CDYL: variants seen among roughly 807,000 people sequenced by gnomAD.
CDYL encodes the protein chromodomain Y-like protein.
CDYL carries 8 observed loss-of-function variants against 47.3 expected under a neutral mutation model. The observed-to-expected ratio is 0.17, with a 90% CI of 0.10 to 0.31. The LOEUF (loss-of-function observed/expected upper bound fraction) is 0.31, where lower values mean the gene tolerates loss of function less well. Among genes scored for constraint, CDYL ranks in the 10% least tolerant of loss-of-function variants. The pLI, the probability that CDYL is intolerant of heterozygous loss-of-function variation, is 1.00. For synonymous variants in CDYL, 266 were observed against 265.0 expected (o/e 1.00, Z -0.04); for missense variants, 471 against 701.4 (o/e 0.67, Z 3.71).
chr6:4,764,882 A>G (rs964683442), intron 3 of CDYL, among the ~76,000 whole-genome samples: 41 of 152,168 alleles, frequency 2.7e-4, no homozygotes, highest in African/African-American at 9.7e-4. Flanking sequence ...ATAGAGAGAA[A>G]ACACTGCATA....
At chr6:4,708,992 G>C (rs1226859590) in intron 1 of CDYL, among the ~76,000 whole-genome samples, 1 of 152,048 alleles carries the variant, frequency 6.6e-6, no homozygotes, top group Non-Finnish European at 1.5e-5. Context: ...GGGTGACAGA[G>C]TGGGACCCTG....
intron 2 of CDYL, 101 bp from the exon 3 acceptor site, chr6:4,935,414 C>T: frequency 9.8e-7 from 1 of 1,023,168 alleles, no homozygotes; most frequent in Non-Finnish European, 1.5e-6. Context: ...TCGTTTAATC[C>T]TAAGTGTGTA....
intron 1 of CDYL, among the ~76,000 whole-genome samples, chr6:4,780,924 G>A (rs796082143): frequency 5.3e-5 from 8 of 152,290 alleles, no homozygotes; most frequent in African/African-American, 1.9e-4. Context: ...AATAAGGAAC[G>A]TATGCTGTAG....
At chr6:4,922,245 C>G (rs573868287) in intron 2 of CDYL, among the ~76,000 whole-genome samples, 2 of 152,112 alleles carry the variant, frequency 1.3e-5, no homozygotes, top group Non-Finnish European at 2.9e-5. Context: ...GTTGCCGACC[C>G]GTTGCCTCAG....
intron 2 of CDYL, among the ~76,000 whole-genome samples, chr6:4,725,371 G>A (rs902899737): frequency 2.0e-5 from 3 of 152,238 alleles, no homozygotes; most frequent in Non-Finnish European, 2.9e-5. Flanking sequence ...TGGGCGCCGT[G>A]GAGCAGGGGG....
intron 2 of CDYL, among the ~76,000 whole-genome samples, chr6:4,725,167 G>T (rs986108066): frequency 1.3e-5 from 2 of 152,210 alleles, no homozygotes; most frequent in Non-Finnish European, 2.9e-5. Flanking sequence ...TACAAACCTT[G>T]AGCTAGATAC....
chr6:4,765,794 C>T (rs191733159), intron 3 of CDYL, among the ~76,000 whole-genome samples: 161 of 152,198 alleles, frequency 1.1e-3, no homozygotes, highest in Non-Finnish European at 2.0e-3. Context: ...GAACTCCTGA[C>T]CTCGGGTGAT....
At chr6:4,784,211 C>T (rs1051896438) in intron 1 of CDYL, among the ~76,000 whole-genome samples, 59 of 152,080 alleles carry the variant, frequency 3.9e-4, no homozygotes, top group Admixed American at 3.7e-3. Flanking sequence ...ATCTGCAATT[C>T]GTTTTTTAAG....
chr6:4,779,163 G>A (rs564810679), intron 1 of CDYL, among the ~76,000 whole-genome samples: 4 of 152,278 alleles, frequency 2.6e-5, no homozygotes, highest in Admixed American at 1.3e-4. Context: ...GAAGTGATAC[G>A]CAATTGTAAA....
chr6:4,741,448 C>CCAGA (rs1378443058), intron 3 of CDYL, among the ~76,000 whole-genome samples: 1 of 152,126 alleles, frequency 6.6e-6, no homozygotes, highest in Non-Finnish European at 1.5e-5. Context: ...GATAAGCAGT[C>CCAGA]CAGAGCTGCT....
chr6:4,789,435 C>T (rs115168537), intron 1 of CDYL, among the ~76,000 whole-genome samples: 165 of 152,214 alleles, frequency 1.1e-3, no homozygotes, highest in African/African-American at 3.7e-3. Context: ...GTGGGCCCTC[C>T]GCACCACATC....
intron 2 of CDYL, among the ~76,000 whole-genome samples, chr6:4,718,987 A>G (rs1248852000): frequency 6.6e-6 from 1 of 151,638 alleles, no homozygotes; most frequent in Admixed American, 6.6e-5. Context: ...GCAATGTAAC[A>G]ATCTCGGCTC....
At chr6:4,892,811 G>T (rs1274138928) in intron 2 of CDYL, among the ~76,000 whole-genome samples, 1 of 152,224 alleles carries the variant, frequency 6.6e-6, no homozygotes, top group Non-Finnish European at 1.5e-5. Flanking sequence ...ACCCAGGAAT[G>T]CCTTTCAGTG....
In CDYL at chr6:4,743,026, T is replaced by G. The variant is rs192299338; in HGVS notation, c.186+8182T>G. On this transcript the variant is annotated intron_variant, in intron 3 of 8. Coordinates refer to the CDYL transcript ENST00000328908. Reference sequence around the variant, plus strand: ...AGTGTGGGTTACTACAGCCTAACACTGCGTCCAGAAACACTTCTCACGCCC... The same window carrying G: ...AGTGTGGGTTACTACAGCCTAACACGGCGTCCAGAAACACTTCTCACGCCC... 1.7e-4 allele frequency among the ~76,000 whole-genome samples: 26 copies of G among 152,364 alleles called. No individual in the cohort carries two copies. The East Asian group carries it at 4.0e-3, about 24-fold the overall frequency.
chr6:4,881,112 T>C (rs1761750558), intron 1 of CDYL, among the ~76,000 whole-genome samples: 1 of 152,202 alleles, frequency 6.6e-6, no homozygotes. Context: ...TTAATCCATT[T>C]TGATGATTTC....
At chr6:4,924,821 G>A (rs1757820048) in intron 2 of CDYL, among the ~76,000 whole-genome samples, 2 of 152,122 alleles carry the variant, frequency 1.3e-5, no homozygotes, top group South Asian at 4.1e-4. Context: ...AAAGCTACAG[G>A]GCTTATGGGG....
intron 3 of CDYL, among the ~76,000 whole-genome samples, chr6:4,738,822 A>G (rs1352992686): frequency 1.3e-5 from 2 of 152,272 alleles, no homozygotes; most frequent in African/African-American, 2.4e-5. Flanking sequence ...TATGTGCAGT[A>G]TAAACAAAGG....
chr6:4,850,646 G>A (rs765236716), intron 1 of CDYL, among the ~76,000 whole-genome samples: 21 of 152,152 alleles, frequency 1.4e-4, no homozygotes, highest in Non-Finnish European at 2.5e-4. Context: ...TAACAGTGTG[G>A]ATCAAGAAGT....
rs1026840349 is a variant in CDYL, at chr6:4,954,790, T to G, written c.*734T>G. 2 of 152,228 alleles carry G rather than the reference T, an allele frequency of 1.3e-5. No individual in the cohort carries two copies. Among genetic ancestry groups the G allele is most frequent in the African/African-American group, 4.8e-5 (2 of 41,458 alleles). The allele number at this position is 152,228 out of a possible 1,614,324, so 9.4% of individuals were successfully genotyped here. A position where few individuals can be genotyped will look rare whatever the true frequency, so the allele number is the denominator to read the frequency against. ...TTTGCAGTATTAGTGAATCACTGAA[T>G]AGCTTAAGTATGACTATCTAAGTTA... On this transcript the variant is annotated 3_prime_UTR_variant, in exon 7 of 7. Transcript: ENST00000397588.
Sources: allele counts gnomAD v4.1 joint callset (sites outside exome capture counted in the v4.1 genomes callset), GRCh38; gene constraint gnomAD v4.1.1; transcripts MANE v1.5; gene names NCBI Gene and HGNC (gene_info 2026-07-23, HGNC 2026-07-21).